The following ARHGAP26 variants were observed in gnomAD, a reference collection of about 807,000 sequenced individuals.
ARHGAP26 encodes rho GTPase-activating protein 26.
ARHGAP26 carries 38 observed loss-of-function variants against 104.8 expected under a neutral mutation model. The observed-to-expected ratio is 0.36, with a 90% CI of 0.28 to 0.48. The LOEUF is 0.48. ARHGAP26 is among the 20% of genes least tolerant of loss of function. The pLI is 0.99. For synonymous variants in ARHGAP26, 341 were observed against 340.0 expected (o/e 1.00, Z -0.03); for missense variants, 704 against 947.9 (o/e 0.74, Z 3.38).
rs576225461 is a variant in ARHGAP26, at chr5:143,100,009, A to G, written c.1539-20979A>G. Reference sequence around the variant, plus strand: ...GATGCAAGACTGAGCAAACAGGAAAATAACTTCAGACAATTTGCCAGAATG... The same window carrying G: ...GATGCAAGACTGAGCAAACAGGAAAGTAACTTCAGACAATTTGCCAGAATG... On this transcript the variant is annotated intron_variant, in intron 17 of 22. Coordinates refer to ENST00000645722, the MANE Select transcript of ARHGAP26 (RefSeq NM_001135608.3). 7.9e-5 allele frequency among the ~76,000 whole-genome samples: 12 copies of G among 152,366 alleles called. No homozygotes were observed. The South Asian group carries it at 2.5e-3, about 32-fold the overall frequency.
At chr5:142,820,551 C>T (rs1765953632) in intron 1 of ARHGAP26, among the ~76,000 whole-genome samples, 1 of 152,168 alleles carries the variant, frequency 6.6e-6, no homozygotes. Context: ...GAGAGACAAT[C>T]ACAAGTGTTT....
rs1755894781 is a variant in ARHGAP26 at position 142,875,107 on chromosome 5, C to T, written c.251-3C>T. The T allele has an allele frequency of 1.2e-6, 2 of 1,613,884 alleles. No individual in the cohort carries two copies. Among genetic ancestry groups the T allele is most frequent in the Admixed American group, 3.3e-5 (2 of 60,002 alleles). ...CACCTCATGGCCCCTTTCTGTTTTC[C>T]AGCAAGATCTTTGCAGGAGTTTGCC... On this transcript the variant is annotated splice_polypyrimidine_tract_variant and splice_region_variant and intron_variant, in intron 2 of 22. Coordinates refer to ENST00000645722, the MANE Select transcript of ARHGAP26 (RefSeq NM_001135608.3).
intron 1 of ARHGAP26, among the ~76,000 whole-genome samples, chr5:142,837,987 A>G (rs1319533848): frequency 6.6e-6 from 1 of 152,192 alleles, no homozygotes; most frequent in Non-Finnish European, 1.5e-5. Flanking sequence ...GGCTGGGCGC[A>G]GTGGCTCATG....
intron 14 of ARHGAP26, among the ~76,000 whole-genome samples, chr5:143,050,381 C>G (rs1047246101): frequency 3.3e-5 from 5 of 151,068 alleles, no homozygotes; most frequent in African/African-American, 1.2e-4. Flanking sequence ...TTAAAGCAAA[C>G]TTAGTAAAAC....
At chr5:142,902,674 G>T (rs190609415) in intron 7 of ARHGAP26, among the ~76,000 whole-genome samples, 44 of 152,320 alleles carry the variant, frequency 2.9e-4, no homozygotes, top group African/African-American at 9.9e-4. Flanking sequence ...GTCTCTAGGT[G>T]ATCTTGTGTC....
At chr5:142,905,001 A>T (rs1390731626) in intron 8 of ARHGAP26, among the ~76,000 whole-genome samples, 2 of 152,126 alleles carry the variant, frequency 1.3e-5, no homozygotes, top group Non-Finnish European at 2.9e-5. Flanking sequence ...ATTGGCTGTG[A>T]TGAGGATTAC....
Position 143,190,034 on chromosome 5 carries a change from GGA to G in ARHGAP26, c.1989-17163_1989-17162del, listed in dbSNP as rs1491169776. Among the ~76,000 whole-genome samples the G allele has an allele frequency of 9.7e-3, 892 of 92,290 alleles. 14 individuals carry two copies. The highest frequency in any genetic ancestry group is 0.06 in the African/African-American group (840 of 14,018). The allele number at this position is 92,290 out of a possible 152,430, so 60.5% of individuals were successfully genotyped here. On this transcript the variant is annotated intron_variant, in intron 20 of 22. Transcript: ENST00000645722. ...TCTTTGGAGGACAGAAGGAGGGGGG[GGA>G]AAAAAAAAAAAAGACCTGGTTTCTG...
chr5:143,174,110 A>C (rs1015490998), intron 20 of ARHGAP26, among the ~76,000 whole-genome samples: 1 of 152,344 alleles, frequency 6.6e-6, no homozygotes, highest in East Asian at 1.9e-4. Flanking sequence ...CAGGTAGAAC[A>C]AAATGTCAAT....
At chr5:143,114,014 C>A (rs1599073108) in intron 17 of ARHGAP26, among the ~76,000 whole-genome samples, 1 of 152,202 alleles carries the variant, frequency 6.6e-6, no homozygotes, top group East Asian at 1.9e-4. Flanking sequence ...TACTTACCTT[C>A]TCAGTGCTTC....
At chr5:142,949,719 A>C (rs912075438) in intron 11 of ARHGAP26, among the ~76,000 whole-genome samples, 1 of 152,160 alleles carries the variant, frequency 6.6e-6, no homozygotes, top group Non-Finnish European at 1.5e-5. Flanking sequence ...AGGTAGCTGG[A>C]ATGTGAATGA....
intron 11 of ARHGAP26, among the ~76,000 whole-genome samples, chr5:142,983,347 C>T (rs1774226907): frequency 6.6e-6 from 1 of 152,208 alleles, no homozygotes; most frequent in Non-Finnish European, 1.5e-5. Context: ...TCTGGAACTA[C>T]AGGCATGTGC....
At chr5:142,943,548 C>T (rs1031029088) in intron 11 of ARHGAP26, among the ~76,000 whole-genome samples, 2 of 152,266 alleles carry the variant, frequency 1.3e-5, no homozygotes, top group African/African-American at 4.8e-5. Flanking sequence ...TGTAATCACC[C>T]CATAAGGCCC....
chr5:143,136,340 CAG>C (rs779169078), intron 19 of ARHGAP26, among the ~76,000 whole-genome samples: 82 of 152,130 alleles, frequency 5.4e-4, no homozygotes, highest in Non-Finnish European at 9.8e-4. Context: ...AGATGGTAGA[CAG>C]GGGATGCAAA....
intron 11 of ARHGAP26, among the ~76,000 whole-genome samples, chr5:143,006,421 C>G (rs181873684): frequency 1.3e-5 from 2 of 151,660 alleles, no homozygotes; most frequent in East Asian, 3.9e-4. Flanking sequence ...ACTGAACCCC[C>G]TTTATGTATA....
intron 10 of ARHGAP26, among the ~76,000 whole-genome samples, chr5:142,931,399 G>GTCTGATATTGTAT: frequency 6.6e-6 from 1 of 152,202 alleles, no homozygotes; most frequent in East Asian, 1.9e-4. Context: ...TCTTCTGGAG[G>GTCTGATATTGTAT]GCTTGTGCTC....
intron 1 of ARHGAP26, among the ~76,000 whole-genome samples, chr5:142,845,583 G>A (rs1771761906): frequency 6.6e-6 from 1 of 152,220 alleles, no homozygotes; most frequent in African/African-American, 2.4e-5. Flanking sequence ...GGCCTTCTCA[G>A]TGCTGAACTG....
intron 3 of ARHGAP26, among the ~76,000 whole-genome samples, chr5:142,877,194 G>A (rs951917973): frequency 1.3e-5 from 2 of 152,114 alleles, no homozygotes; most frequent in Non-Finnish European, 2.9e-5. Flanking sequence ...CTGCATCTGA[G>A]TATCTGGCCG....
chr5:143,044,981 A>G (rs1784022343), intron 14 of ARHGAP26, among the ~76,000 whole-genome samples: 1 of 152,228 alleles, frequency 6.6e-6, no homozygotes, highest in Admixed American at 6.5e-5. Context: ...TTCAAAGATG[A>G]CAGATTATTA....
rs570087405 is a variant in ARHGAP26 at position 143,062,009 on chromosome 5, C to T, written c.1538+4262C>T. ...CACCCAACAAGATTTATCTGAGCCA[C>T]TTGTGGGAGGATTGGATATCAGAAT... On this transcript the variant is annotated intron_variant, in intron 17 of 22. Transcript: ENST00000645722. Among the ~76,000 whole-genome samples the T allele has an allele frequency of 1.1e-4, 16 of 152,302 alleles. No homozygotes were observed. In the South Asian group the frequency reaches 3.1e-3, roughly 30 times the overall value.
Sources: allele counts gnomAD v4.1 joint callset (sites outside exome capture counted in the v4.1 genomes callset), GRCh38; gene constraint gnomAD v4.1.1; transcripts MANE v1.5; gene names NCBI Gene and HGNC (gene_info 2026-07-23, HGNC 2026-07-21).